AUTS2: variants seen among roughly 807,000 people sequenced by gnomAD.
The protein encoded by AUTS2 is activator of transcription and developmental regulator AUTS2.
In AUTS2, 17 loss-of-function variants were observed where a neutral mutation model predicts 112.4. The ratio of observed to expected loss-of-function variants is 0.15; its 90% CI spans 0.10 to 0.23. AUTS2 has a LOEUF of 0.23. Among genes scored for constraint, AUTS2 ranks in the 10% least tolerant of loss-of-function variants. The pLI is 1.00. For synonymous variants in AUTS2, 751 were observed against 702.7 expected, an observed-to-expected ratio of 1.07 and a Z score of -1.09; for missense variants, 1,510 against 1,701.6, an observed-to-expected ratio of 0.89 and a Z score of 1.98.
intron 4 of AUTS2, among the ~76,000 whole-genome samples, chr7:70,434,532 GT>G (rs1795810363): frequency 6.6e-6 from 1 of 152,150 alleles, no homozygotes; most frequent in Non-Finnish European, 1.5e-5. Context: ...AATCCTGTTG[GT>G]TCTACCTTCA....
intron 1 of AUTS2, among the ~76,000 whole-genome samples, chr7:69,884,536 G>T (rs149878020): frequency 5.3e-5 from 8 of 152,132 alleles, no homozygotes; most frequent in African/African-American, 1.9e-4. Flanking sequence ...CTGAATGACT[G>T]CCTGCAGTTT....
chr7:70,523,237 C>T (rs939402530), intron 5 of AUTS2, among the ~76,000 whole-genome samples: 3 of 151,998 alleles, frequency 2.0e-5, no homozygotes, highest in South Asian at 4.1e-4. Flanking sequence ...TAGTGTGTAG[C>T]TGTGAGGTGG....
chr7:70,051,582 G>A (rs1801757313), intron 2 of AUTS2, among the ~76,000 whole-genome samples: 1 of 152,056 alleles, frequency 6.6e-6, no homozygotes, highest in African/African-American at 2.4e-5. Context: ...ACCCAGGCGT[G>A]GTGGTGGGCA....
At chr7:69,915,183 G>A (rs985614722) in intron 2 of AUTS2, among the ~76,000 whole-genome samples, 1 of 152,158 alleles carries the variant, frequency 6.6e-6, no homozygotes, top group Non-Finnish European at 1.5e-5. Context: ...CCTAGAGAGG[G>A]AATACCTTCA....
chr7:70,604,704 A>G (rs1255672712), intron 5 of AUTS2, among the ~76,000 whole-genome samples: 1 of 152,222 alleles, frequency 6.6e-6, no homozygotes, highest in Admixed American at 6.5e-5. Flanking sequence ...GCTATGGACA[A>G]GAAAGGAGAA....
intron 1 of AUTS2, among the ~76,000 whole-genome samples, chr7:69,817,893 GT>G (rs1301302155): frequency 1.3e-5 from 2 of 152,128 alleles, no homozygotes; most frequent in Non-Finnish European, 2.9e-5. Flanking sequence ...TTATGGTAAT[GT>G]TTTTTGCTGA....
At chr7:69,846,857 G>A (rs879588722) in intron 1 of AUTS2, among the ~76,000 whole-genome samples, 1 of 152,194 alleles carries the variant, frequency 6.6e-6, no homozygotes, top group Non-Finnish European at 1.5e-5. Flanking sequence ...ACAGGCATGA[G>A]CCACCACACC....
At chr7:70,287,471 T>C (rs1788512564) in intron 4 of AUTS2, among the ~76,000 whole-genome samples, 1 of 152,204 alleles carries the variant, frequency 6.6e-6, no homozygotes, top group Admixed American at 6.5e-5. Flanking sequence ...TACTAATGAA[T>C]GGATTAGCAA....
chr7:70,119,229 C>G (rs1584750687), intron 3 of AUTS2: 1 of 152,062 alleles, frequency 6.6e-6, no homozygotes, highest in South Asian at 2.1e-4. Context: ...ACCTCGTGAT[C>G]TGCCTTCTTC....
At chr7:70,255,363 C>CGGT (rs1229160703) in intron 4 of AUTS2, among the ~76,000 whole-genome samples, 4 of 152,236 alleles carry the variant, frequency 2.6e-5, no homozygotes, top group African/African-American at 9.6e-5. Flanking sequence ...TGAGCCACCA[C>CGGT]GCCCAGCCAC....
chr7:69,957,936 C>T (rs895866157), intron 2 of AUTS2, among the ~76,000 whole-genome samples: 7 of 152,152 alleles, frequency 4.6e-5, no homozygotes, highest in African/African-American at 1.7e-4. Context: ...TTCAGCCCTT[C>T]ATCCTTCTGC....
At position 70,698,603 on chromosome 7, in the gene AUTS2, C is replaced by T. The variant is rs921922598; in HGVS notation, c.725C>T (p.Thr242Ile). 3 of 1,607,124 alleles carry T rather than the reference C, an allele frequency of 1.9e-6. No homozygotes were observed. The African/African-American group carries it at 4.0e-5, about 21-fold the overall frequency. ...SDASSEKLFN[T>I]VIVNKDPELG... ...GCCAGCTCTGAAAAACTCTTCAACA[C>T]TGTTATTGTAAACAAAGGTAAGACC... is the stretch of plus-strand genomic sequence containing the variant. Residue 242 changes from threonine (T) to isoleucine (I), a missense_variant, in exon 6 of 19, where the codon ACT becomes ATT. Transcript: ENST00000342771.
At chr7:70,354,555 T>G (rs1364951203) in intron 4 of AUTS2, among the ~76,000 whole-genome samples, 4 of 152,194 alleles carry the variant, frequency 2.6e-5, no homozygotes, top group Admixed American at 2.6e-4. Flanking sequence ...ATTTGAAGAC[T>G]AAAGACTTGA....
intron 2 of AUTS2, among the ~76,000 whole-genome samples, chr7:70,112,278 T>C (rs551952777): frequency 2.9e-4 from 44 of 152,108 alleles, no homozygotes; most frequent in African/African-American, 9.6e-4. Flanking sequence ...GTGATATGGA[T>C]ATTCAACATA....
intron 1 of AUTS2, among the ~76,000 whole-genome samples, chr7:69,830,412 GTAAATACA>G (rs1439698879): frequency 1.3e-5 from 2 of 152,220 alleles, no homozygotes; most frequent in Admixed American, 1.3e-4. Context: ...TAAAAAATAA[GTAAATACA>G]TAAATACATA....
chr7:70,553,257 G>A (rs1227377750), intron 5 of AUTS2, among the ~76,000 whole-genome samples: 1 of 152,124 alleles, frequency 6.6e-6, no homozygotes, highest in Non-Finnish European at 1.5e-5. Flanking sequence ...TTTCTATTTG[G>A]TGGCATAGAC....
At chr7:70,570,903 C>T (rs1455819302) in intron 5 of AUTS2, among the ~76,000 whole-genome samples, 1 of 151,154 alleles carries the variant, frequency 6.6e-6, no homozygotes, top group African/African-American at 2.4e-5. Flanking sequence ...ATCTTGTAGT[C>T]TTGCCTCCTG....
At chr7:70,709,463 C>G (rs1266319126) in intron 6 of AUTS2, among the ~76,000 whole-genome samples, 1 of 152,102 alleles carries the variant, frequency 6.6e-6, no homozygotes, top group Non-Finnish European at 1.5e-5. Context: ...ATAATCCCAG[C>G]ACTCTGGGAG....
intron 1 of AUTS2, among the ~76,000 whole-genome samples, chr7:69,612,617 G>A (rs1269867134): frequency 1.3e-5 from 2 of 151,888 alleles, no homozygotes; most frequent in Admixed American, 6.6e-5. Flanking sequence ...GTCTCACCAC[G>A]CCTGGCTAAT....
Sources: allele counts gnomAD v4.1 joint callset (sites outside exome capture counted in the v4.1 genomes callset), GRCh38; gene constraint gnomAD v4.1.1; transcripts MANE v1.5; gene names NCBI Gene and HGNC (gene_info 2026-07-23, HGNC 2026-07-21).